SLC7A14: variants seen among roughly 807,000 people sequenced by gnomAD.
SLC7A14 encodes the protein gamma-aminobutyric acid transporter SLC7A14.
Under a neutral mutation model 60.2 loss-of-function variants are expected in SLC7A14, and 37 were observed. The observed-to-expected ratio is 0.61, with a 90% CI of 0.47 to 0.81. SLC7A14 has a LOEUF of 0.81. SLC7A14 is among the 30% of genes least tolerant of loss of function. The pLI, the probability that SLC7A14 is intolerant of heterozygous loss-of-function variation, is 0.00. For synonymous variants in SLC7A14, 399 were observed against 395.8 expected (o/e 1.01, Z -0.10); for missense variants, 886 against 982.7 (o/e 0.90, Z 1.32).
At chr3:170,513,079 A>G (rs567259668) in intron 2 of SLC7A14, among the ~76,000 whole-genome samples, 1 of 152,280 alleles carries the variant, frequency 6.6e-6, no homozygotes, top group African/African-American at 2.4e-5. Flanking sequence ...CTAGCTAAGT[A>G]GCTCCTACTG....
intron 4 of SLC7A14, among the ~76,000 whole-genome samples, chr3:170,496,796 C>T (rs35753997): frequency 0.22 from 32,769 of 152,210 alleles, 5,276 homozygotes; most frequent in African/African-American, 0.45. Flanking sequence ...TTCAGCCGCA[C>T]CGGCTCCGCC....
chr3:170,583,770 A>G (rs1451147018), intron 1 of SLC7A14, among the ~76,000 whole-genome samples: 1 of 152,250 alleles, frequency 6.6e-6, no homozygotes. Context: ...ACTTGTTTCC[A>G]TAATATTGGA....
At chr3:170,550,157 G>A (rs897127389) in intron 1 of SLC7A14, among the ~76,000 whole-genome samples, 2 of 151,912 alleles carry the variant, frequency 1.3e-5, no homozygotes, top group African/African-American at 4.8e-5. Flanking sequence ...ATGTGATGGG[G>A]CATTCTGCCC....
At chr3:170,521,230 C>T (rs553011227) in intron 2 of SLC7A14, among the ~76,000 whole-genome samples, 30 of 152,280 alleles carry the variant, frequency 2.0e-4, no homozygotes, top group African/African-American at 7.2e-4. Flanking sequence ...CTATAACTTC[C>T]CAGCTTGACA....
In SLC7A14 at chr3:170,481,013, A is replaced by G. The variant is rs1227446744; in HGVS notation, c.1269T>C (p.Ser423=). Reference sequence around the variant, plus strand: ...GGTATCGAAGGAGCAAGACACAGACAGAGACCAAGGTGTAGGCCAGGAGCG... The same window carrying G: ...GGTATCGAAGGAGCAAGACACAGACGGAGACCAAGGTGTAGGCCAGGAGCG... ...IGTLLAYTLV[S]VCVLLLRYQP... is the part of the protein sequence containing the mutation. The change falls in exon 7 of 8, where the codon TCT becomes TCC. Residue 423 remains serine, a synonymous_variant. Coordinates refer to ENST00000231706, the MANE Select transcript of SLC7A14 (RefSeq NM_020949.3). The G allele has an allele frequency of 6.2e-7, 1 of 1,614,046 alleles. No homozygotes were observed. Among genetic ancestry groups the G allele is most frequent in the Non-Finnish European group, 8.5e-7 (1 of 1,180,036 alleles).
Position 170,480,791 on chromosome 3 carries a change from C to G in SLC7A14, c.1491G>C (p.Gly497=), listed in dbSNP as rs145787666. 2.1e-5 allele frequency: 34 copies of G among 1,614,180 alleles called. No individual in the cohort carries two copies. The African/African-American group carries it at 4.1e-4, about 20-fold the overall frequency. ...PSLGDNEMLI[G]KSDKSTYNVN... ...CGTTGTAGGTTGACTTGTCTGATTT[C>G]CCTATGAGCATCTCATTGTCTCCCA... Residue 497 remains glycine (G), a synonymous_variant, in exon 7 of 8, where the codon GGG becomes GGC. Transcript: ENST00000231706.
At chr3:170,522,415 A>G (rs1713364433) in intron 2 of SLC7A14, among the ~76,000 whole-genome samples, 1 of 152,236 alleles carries the variant, frequency 6.6e-6, no homozygotes, top group Non-Finnish European at 1.5e-5. Flanking sequence ...AAAAGGATAA[A>G]CAAATGGTAG....
rs1490535299 is a variant in SLC7A14, at chr3:170,491,618, G to A, written c.760-5250C>T. Reference sequence around the variant, plus strand: ...CTCATCCTGAGGCCTAAGTGTAGGGGGTGGAATGGTGTCCTGGAGTCCGGT... The same window carrying A: ...CTCATCCTGAGGCCTAAGTGTAGGGAGTGGAATGGTGTCCTGGAGTCCGGT... On this transcript the variant is annotated intron_variant, in intron 4 of 7. Coordinates refer to ENST00000231706, the MANE Select transcript of SLC7A14 (RefSeq NM_020949.3). 3.9e-5 allele frequency among the ~76,000 whole-genome samples: 6 copies of A among 152,132 alleles called. No homozygotes were observed. The South Asian group carries it at 1.2e-3, about 32-fold the overall frequency.
intron 1 of SLC7A14, among the ~76,000 whole-genome samples, chr3:170,563,746 T>C (rs1157499560): frequency 6.6e-6 from 1 of 152,154 alleles, no homozygotes; most frequent in East Asian, 1.9e-4. Context: ...TTAAAGATTG[T>C]ATATAAAGCA....
chr3:170,501,495 C>T (rs946072322), intron 2 of SLC7A14, 150 bp from the exon 3 acceptor site: 1 of 661,804 alleles, frequency 1.5e-6, no homozygotes, highest in Non-Finnish European at 2.6e-6. Context: ...TCAGAGCCAA[C>T]TCTTACCTCT....
rs1404217466 is a variant in SLC7A14 at position 170,567,343 on chromosome 3, A to AT, written c.-153+18567dup. 3.3e-5 allele frequency among the ~76,000 whole-genome samples: 5 copies of AT among 150,664 alleles called. No homozygotes were observed. In the East Asian group the frequency reaches 5.9e-4, roughly 18 times the overall value. On this transcript the variant is annotated intron_variant, in intron 1 of 7. Coordinates refer to ENST00000231706, the MANE Select transcript of SLC7A14 (RefSeq NM_020949.3). ...TCCCTACAAAGGACATGAACTCATC[A>AT]TTTTTTATGGCTGCATAGTATTCCA... is the stretch of plus-strand genomic sequence containing the variant.
chr3:170,540,456 C>T (rs1158802490), intron 1 of SLC7A14, among the ~76,000 whole-genome samples: 5 of 143,758 alleles, frequency 3.5e-5, no homozygotes, highest in Non-Finnish European at 4.6e-5. Context: ...TAGTTTGCTT[C>T]TTTTTTTTTT....
intron 1 of SLC7A14, among the ~76,000 whole-genome samples, chr3:170,538,195 C>T (rs1209502548): frequency 3.9e-5 from 6 of 152,168 alleles, no homozygotes; most frequent in Admixed American, 6.5e-5. Flanking sequence ...ATAGAGTTGT[C>T]CATCTGAGAT....
chr3:170,474,945 C>G (rs573172790), intron 7 of SLC7A14, among the ~76,000 whole-genome samples: 3 of 152,158 alleles, frequency 2.0e-5, no homozygotes, highest in East Asian at 1.9e-4. Flanking sequence ...ACAGCAGGCC[C>G]GAAGGATGCC....
intron 1 of SLC7A14, among the ~76,000 whole-genome samples, chr3:170,562,902 A>G (rs1430109497): frequency 6.6e-6 from 1 of 152,028 alleles, no homozygotes. Context: ...CTGGGATTAC[A>G]GGTGCACACT....
intron 2 of SLC7A14, chr3:170,502,998 G>A (rs1712662202): frequency 6.6e-6 from 1 of 152,180 alleles, no homozygotes; most frequent in South Asian, 2.1e-4. Context: ...GAACTTTGTA[G>A]TATTTTTTGC....
intron 7 of SLC7A14, among the ~76,000 whole-genome samples, chr3:170,470,665 G>T (rs947948167): frequency 2.7e-5 from 4 of 149,436 alleles, no homozygotes; most frequent in Admixed American, 6.7e-5. Flanking sequence ...GTGTGAAACT[G>T]AGAAGGATTG....
At chr3:170,536,279 G>A (rs16855230) in intron 1 of SLC7A14, among the ~76,000 whole-genome samples, 2,157 of 152,282 alleles carry the variant, frequency 0.014, 44 homozygotes, top group African/African-American at 0.049. Flanking sequence ...CTAAGAGACC[G>A]TAAGAGACTT....
chr3:170,496,262 G>C lies in SLC7A14; in HGVS notation c.759+2405C>G, dbSNP rs1359642673. 12 of 961,256 alleles carry C rather than the reference G, an allele frequency of 1.2e-5. No individual in the cohort carries two copies. In the East Asian group the frequency reaches 2.6e-4, roughly 21 times the overall value. 59.5% of individuals were successfully genotyped at this position (961,256 alleles called of 1,614,324 possible). ...AGATCGCCAACCGCAGCTGGGCTGA[G>C]GCTGAGAGCATGTACCAGATCAAGT... On this transcript the variant is annotated intron_variant, in intron 4 of 7. Coordinates refer to ENST00000231706, the MANE Select transcript of SLC7A14 (RefSeq NM_020949.3).
Sources: allele counts gnomAD v4.1 joint callset (sites outside exome capture counted in the v4.1 genomes callset), GRCh38; gene constraint gnomAD v4.1.1; transcripts MANE v1.5; gene names NCBI Gene and HGNC (gene_info 2026-07-23, HGNC 2026-07-21).